PHF24: variants seen among roughly 807,000 people sequenced by gnomAD.
PHF24 encodes the protein PHD finger protein 24.
A neutral mutation model predicts 42.6 loss-of-function variants in PHF24; 25 were observed. That is an observed-to-expected ratio of 0.59 (90% CI 0.43 to 0.82). The LOEUF is 0.82. PHF24 is among the 40% of genes least tolerant of loss of function. PHF24 has a pLI of 0.00. For missense variants in PHF24, 470 were observed against 538.1 expected, an observed-to-expected ratio of 0.87 and a Z score of 1.25; for synonymous variants, 185 against 204.8, an observed-to-expected ratio of 0.90 and a Z score of 0.83.
chr9:34,963,504 A>G (rs992970709), intron 1 of PHF24, among the ~76,000 whole-genome samples: 4 of 152,114 alleles, frequency 2.6e-5, no homozygotes, highest in Non-Finnish European at 4.4e-5. Context: ...TTTCACTTGT[A>G]TGTGCAGATA....
At chr9:34,972,216 C>G in intron 2 of PHF24, 130 bp from the exon 3 acceptor site, 1 of 757,206 alleles carries the variant, frequency 1.3e-6, no homozygotes, top group Non-Finnish European at 2.1e-6. Flanking sequence ...ACAATGGCTT[C>G]AGTTGGGGCT....
At chr9:34,772,916 T>C in the PHF24 span, among the ~76,000 whole-genome samples, 2 of 152,200 alleles carry the variant, frequency 1.3e-5, no homozygotes, top group African/African-American at 4.8e-5. Flanking sequence ...ACCTATTTCC[T>C]TGCTCTGTCA....
chr9:34,917,332 GT>G, the PHF24 span: 1 of 865,966 alleles, frequency 1.2e-6, no homozygotes, highest in South Asian at 1.3e-5. Flanking sequence ...GAGCCCAAGT[GT>G]GTGGAAGAGT....
At chr9:34,957,833 A>AC (rs1826415708), upstream of PHF24, 1 of 127,034 alleles carries the variant, frequency 7.9e-6, no homozygotes, top group African/African-American at 3.0e-5. Flanking sequence ...CCTTCCCCCC[A>AC]CCCAACCCCC....
the PHF24 span, among the ~76,000 whole-genome samples, chr9:34,710,543 C>T: frequency 6.9e-6 from 1 of 145,412 alleles, no homozygotes; most frequent in South Asian, 2.2e-4. Context: ...TCTTGGCTCA[C>T]TGAAATCTCC....
the PHF24 span, among the ~76,000 whole-genome samples, chr9:34,805,944 C>A: frequency 2.6e-5 from 4 of 152,166 alleles, no homozygotes; most frequent in African/African-American, 9.7e-5. Flanking sequence ...GTTGGCCCAG[C>A]ATTGTTTGTT....
chr9:34,850,633 C>A, the PHF24 span, among the ~76,000 whole-genome samples: 2 of 152,198 alleles, frequency 1.3e-5, no homozygotes, highest in African/African-American at 4.8e-5. Context: ...AGCTTTATTC[C>A]ATTGCTGGTG....
the PHF24 span, chr9:34,918,012 C>G: frequency 2.4e-6 from 3 of 1,269,022 alleles, no homozygotes; most frequent in Admixed American, 5.0e-5. Flanking sequence ...ATTAAGCAAG[C>G]GACACCAGTA....
At chr9:34,689,571 T>C in the PHF24 span, 1 of 515,178 alleles carries the variant, frequency 1.9e-6, no homozygotes, top group Non-Finnish European at 3.4e-6. The surrounding 1 kb of genome is among the most constrained non-coding windows in gnomAD (Gnocchi z 4.1). Context: ...TGTGATCAAT[T>C]AGTTGTAAAC....
the PHF24 span, among the ~76,000 whole-genome samples, chr9:34,885,912 G>A: frequency 4.0e-5 from 6 of 151,588 alleles, no homozygotes; most frequent in Admixed American, 6.6e-5. Flanking sequence ...CCAGCTCTCT[G>A]GCTTTGGTTC....
At chr9:34,779,743 G>A in the PHF24 span, among the ~76,000 whole-genome samples, 1 of 152,162 alleles carries the variant, frequency 6.6e-6, no homozygotes, top group African/African-American at 2.4e-5. Flanking sequence ...GTTTTGTTTT[G>A]AGATGGAGTT....
At chr9:34,881,105 G>A in the PHF24 span, among the ~76,000 whole-genome samples, 1 of 152,190 alleles carries the variant, frequency 6.6e-6, no homozygotes, top group Non-Finnish European at 1.5e-5. Context: ...GCTCCTGAAT[G>A]ACTACTGGGT....
At chr9:34,694,355 A>C in the PHF24 span, among the ~76,000 whole-genome samples, 1 of 149,428 alleles carries the variant, frequency 6.7e-6, no homozygotes, top group Admixed American at 6.7e-5. Context: ...TTTGAGATGG[A>C]GTTTCACCCT....
chr9:34,809,937 G>GCGCGGGGC, the PHF24 span, among the ~76,000 whole-genome samples: 1 of 151,244 alleles, frequency 6.6e-6, no homozygotes, highest in Non-Finnish European at 1.5e-5. This position sits in a 1 kb window ranked among gnomAD's most constrained non-coding sequence, Gnocchi z 4.1. Context: ...GGGCGCGGGG[G>GCGCGGGGC]CGCGGGGCGG....
At chr9:34,794,252 T>C in the PHF24 span, among the ~76,000 whole-genome samples, 1 of 152,128 alleles carries the variant, frequency 6.6e-6, no homozygotes, top group Non-Finnish European at 1.5e-5. Context: ...TGCAGAGATT[T>C]TTAACAACTG....
chr9:34,848,811 C>T, the PHF24 span, among the ~76,000 whole-genome samples: 16 of 152,048 alleles, frequency 1.1e-4, no homozygotes, highest in African/African-American at 3.6e-4. Flanking sequence ...TCTTTGTTCT[C>T]GTTGGTTTCA....
chr9:34,709,648 A>G, the PHF24 span: 1 of 1,614,144 alleles, frequency 6.2e-7, no homozygotes. Context: ...GGGTCTGCAC[A>G]TAGCTCTGCC....
At chr9:34,939,149 G>A in the PHF24 span, among the ~76,000 whole-genome samples, 18 of 152,056 alleles carry the variant, frequency 1.2e-4, no homozygotes, top group African/African-American at 3.6e-4. Context: ...CCGTGGTGGC[G>A]CATGCCTGTA....
the PHF24 span, among the ~76,000 whole-genome samples, chr9:34,814,041 A>T: frequency 6.6e-6 from 1 of 152,148 alleles, no homozygotes; most frequent in Non-Finnish European, 1.5e-5. Context: ...GTTACCACAG[A>T]TTCTTTGACA....
Sources: gnomAD v4.1 joint callset for allele counts (sites outside exome capture counted in the v4.1 genomes callset) on GRCh38, gnomAD v4.1.1 for gene constraint, Gnocchi (gnomAD v3.1) non-coding constraint, MANE v1.5 for transcripts, NCBI Gene and HGNC (gene_info 2026-07-23, HGNC 2026-07-21) for gene names.